MBOAT1: variants seen among roughly 807,000 people sequenced by gnomAD.
MBOAT1 encodes the protein membrane bound glycerophospholipid O-acyltransferase 1, also known as membrane-bound glycerophospholipid O-acyltransferase 1.
MBOAT1 carries 67 observed loss-of-function variants against 64.4 expected under a neutral mutation model. The ratio of observed to expected loss-of-function variants is 1.04; its 90% CI spans 0.85 to 1.27. MBOAT1 has a LOEUF of 1.27. Among genes scored for constraint, MBOAT1 ranks in the 50% most tolerant of loss-of-function variants. The pLI is 0.00. For synonymous variants in MBOAT1, 229 were observed against 218.9 expected (o/e 1.05, Z -0.41); for missense variants, 563 against 604.6 (o/e 0.93, Z 0.72).
At chr6:20,127,792 C>A (rs1297910073) in intron 6 of MBOAT1, among the ~76,000 whole-genome samples, 1 of 152,066 alleles carries the variant, frequency 6.6e-6, no homozygotes, top group Non-Finnish European at 1.5e-5. Flanking sequence ...ACAAAGTGCA[C>A]AATAAATGTA....
intron 1 of MBOAT1, among the ~76,000 whole-genome samples, chr6:20,180,462 G>A (rs1408064675): frequency 1.3e-5 from 2 of 152,026 alleles, no homozygotes; most frequent in African/African-American, 4.8e-5. Context: ...GCCATCTCCT[G>A]AGGGCCTACC....
At chr6:20,138,624 T>G (rs1761072485) in intron 4 of MBOAT1, among the ~76,000 whole-genome samples, 2 of 152,158 alleles carry the variant, frequency 1.3e-5, no homozygotes, top group Admixed American at 1.3e-4. Flanking sequence ...GAGTTTATGG[T>G]TTTAATAAAA....
intron 3 of MBOAT1, among the ~76,000 whole-genome samples, chr6:20,146,013 C>T (rs1301093133): frequency 6.6e-6 from 1 of 152,204 alleles, no homozygotes; most frequent in African/African-American, 2.4e-5. Flanking sequence ...TCTGTTTCCC[C>T]AACTCATTGT....
chr6:20,155,479 C>A (rs1761649717), intron 1 of MBOAT1, among the ~76,000 whole-genome samples: 1 of 152,208 alleles, frequency 6.6e-6, no homozygotes, highest in African/African-American at 2.4e-5. Flanking sequence ...GACTTACATG[C>A]TCTGGGCTTC....
In MBOAT1 at chr6:20,154,959, G is replaced by A. The variant is rs116018921; in HGVS notation, c.100-2190C>T. Among the ~76,000 whole-genome samples, 700 of 152,298 alleles carry A rather than the reference G, an allele frequency of 4.6e-3. 6 individuals are homozygous for A. Among genetic ancestry groups the A allele is most frequent in the African/African-American group, 0.016 (664 of 41,538 alleles). The stretch of plus-strand genomic sequence containing the variant: ...ACAGCCCTGCATTCAACATCCAATG[G>A]CAACTGGAAAGTCCAAAAGTTATAA... On this transcript the variant is annotated intron_variant, in intron 1 of 12. Coordinates refer to ENST00000324607, the MANE Select transcript of MBOAT1 (RefSeq NM_001080480.3).
chr6:20,105,934 C>T (rs1445882558), intron 12 of MBOAT1, among the ~76,000 whole-genome samples: 1 of 152,174 alleles, frequency 6.6e-6, no homozygotes, highest in African/African-American at 2.4e-5. Context: ...TTCACTTGGG[C>T]TCATTTACAA....
At chr6:20,188,730 T>C (rs1762723505) in intron 1 of MBOAT1, among the ~76,000 whole-genome samples, 1 of 152,184 alleles carries the variant, frequency 6.6e-6, no homozygotes, top group African/African-American at 2.4e-5. Flanking sequence ...CATATTGCTT[T>C]GTTCCCCTTA....
chr6:20,195,683 A>C (rs1762936701), intron 1 of MBOAT1, among the ~76,000 whole-genome samples: 1 of 152,164 alleles, frequency 6.6e-6, no homozygotes, highest in African/African-American at 2.4e-5. Flanking sequence ...ATATGTTTAT[A>C]TGTAACCATC....
At chr6:20,174,359 A>T (rs1338173753) in intron 1 of MBOAT1, among the ~76,000 whole-genome samples, 6 of 152,248 alleles carry the variant, frequency 3.9e-5, no homozygotes, top group Non-Finnish European at 8.8e-5. Context: ...TACCTAGGCT[A>T]GATGATATAG....
At chr6:20,139,267 A>G (rs1761095462) in intron 4 of MBOAT1, among the ~76,000 whole-genome samples, 1 of 152,136 alleles carries the variant, frequency 6.6e-6, no homozygotes, top group Non-Finnish European at 1.5e-5. Flanking sequence ...CTGTGGGACT[A>G]CAGGCATGCG....
chr6:20,151,079 C>G (rs1301508855), intron 3 of MBOAT1, 106 bp downstream of exon 3: 1 of 773,272 alleles, frequency 1.3e-6, no homozygotes, highest in Non-Finnish European at 2.2e-6. Context: ...CTAAGATATA[C>G]CACTTGTGGA....
intron 9 of MBOAT1, among the ~76,000 whole-genome samples, chr6:20,116,208 C>T (rs1337054293): frequency 1.3e-5 from 2 of 151,662 alleles, no homozygotes; most frequent in Admixed American, 6.6e-5. Context: ...AGCAGGCACC[C>T]GTAATCCCAG....
chr6:20,100,152 C>T lies in MBOAT1; in HGVS notation c.*2134G>A, dbSNP rs928062559. Among the ~76,000 whole-genome samples the T allele has an allele frequency of 9.9e-5, 15 of 152,202 alleles. No homozygotes were observed. Among genetic ancestry groups the T allele is most frequent in the African/African-American group, 3.1e-4 (13 of 41,452 alleles). ...CTGGTCACCAAAGCAGACACCTCTGCTCTCATTACCAAGTTCTTCTTTCAG... is the reference window on the plus strand; with the variant it reads ...CTGGTCACCAAAGCAGACACCTCTGTTCTCATTACCAAGTTCTTCTTTCAG... On this transcript the variant is annotated 3_prime_UTR_variant, in exon 13 of 13. Transcript: ENST00000324607.
Position 20,109,615 on chromosome 6 carries a change from C to T in MBOAT1, c.1344G>A (p.Pro448=), listed in dbSNP as rs151025494. The change falls in exon 12 of 13, where the codon CCG becomes CCA. Residue 448 remains proline (P), a synonymous_variant. Coordinates refer to ENST00000324607, the MANE Select transcript of MBOAT1 (RefSeq NM_001080480.3). ...VAPFVMLAVE[P]TISLYKSMYF... The stretch of plus-strand genomic sequence containing the variant: ...AAACTTACTTGTATAAGCTGATGGT[C>T]GGTTCAACTGCCAACATCACAAAGG... The T allele has an allele frequency of 3.0e-4, 486 of 1,612,698 alleles. No homozygotes were observed. The highest frequency in any genetic ancestry group is 3.8e-4 in the Non-Finnish European group (449 of 1,179,194).
chr6:20,111,944 CTT>C lies in MBOAT1; in HGVS notation c.1209+930_1209+931del, dbSNP rs1315228265. ...ACAAGAGATCCTCAGGGGAGGGACT[CTT>C]GTCTTGTTCACTGTGGTATCCCAGC... On this transcript the variant is annotated intron_variant, in intron 11 of 12. Transcript: ENST00000324607. Among the ~76,000 whole-genome samples the C allele has an allele frequency of 3.4e-5, 5 of 147,260 alleles. No homozygotes were observed. The East Asian group carries it at 9.9e-4, about 29-fold the overall frequency.
intron 1 of MBOAT1, among the ~76,000 whole-genome samples, chr6:20,194,605 C>G (rs1401561306): frequency 6.6e-6 from 1 of 152,172 alleles, no homozygotes; most frequent in African/African-American, 2.4e-5. Flanking sequence ...ACACACTATC[C>G]ACAGAGCTAC....
At chr6:20,107,499 C>T (rs1460867116) in intron 12 of MBOAT1, among the ~76,000 whole-genome samples, 1 of 152,202 alleles carries the variant, frequency 6.6e-6, no homozygotes, top group Non-Finnish European at 1.5e-5. Context: ...ATTCCTGTTA[C>T]ATACTCTCTT....
At chr6:20,113,484 G>GCCATCTAACCTAATCAGCA in intron 10 of MBOAT1, among the ~76,000 whole-genome samples, 1 of 152,280 alleles carries the variant, frequency 6.6e-6, no homozygotes, top group Non-Finnish European at 1.5e-5. Flanking sequence ...AGGCTCCTGT[G>GCCATCTAACCTAATCAGCA]CCATCTAACC....
At chr6:20,129,330 C>T (rs1055907690) in intron 5 of MBOAT1, among the ~76,000 whole-genome samples, 6 of 152,138 alleles carry the variant, frequency 3.9e-5, no homozygotes, top group South Asian at 4.1e-4. Flanking sequence ...TTTTATCATT[C>T]GTCCGAATCA....
Sources: allele counts gnomAD v4.1 joint callset (sites outside exome capture counted in the v4.1 genomes callset), GRCh38; gene constraint gnomAD v4.1.1; transcripts MANE v1.5; gene names NCBI Gene and HGNC (gene_info 2026-07-23, HGNC 2026-07-21).